ZNF92: variants seen among roughly 807,000 people sequenced by gnomAD.
ZNF92 encodes the protein epididymis luminal protein 203.
A neutral mutation model predicts 12.4 loss-of-function variants in ZNF92; 11 were observed. The ratio of observed to expected loss-of-function variants is 0.89; its 90% CI spans 0.56 to 1.47. ZNF92 has a LOEUF of 1.47. Ranked by LOEUF, ZNF92 falls within the 40% of genes most tolerant of loss-of-function variation. The pLI is 0.00. For missense variants in ZNF92, 622 were observed against 681.0 expected (o/e 0.91, Z 0.96); for synonymous variants, 206 against 228.6 (o/e 0.90, Z 0.89).
intron 1 of ZNF92, among the ~76,000 whole-genome samples, chr7:65,384,413 G>T (rs1793508479): frequency 1.3e-5 from 2 of 152,120 alleles, no homozygotes; most frequent in South Asian, 4.1e-4. Context: ...TTACAGAACT[G>T]ATTGAAAGAG....
chr7:65,400,019 A>T lies in ZNF92; in HGVS notation c.*144A>T. The T allele has an allele frequency of 1.3e-6, 1 of 741,790 alleles. No individual in the cohort carries two copies. The highest frequency in any genetic ancestry group is 2.0e-6 in the Non-Finnish European group (1 of 488,148). 46.0% of individuals were successfully genotyped at this position (741,790 alleles called of 1,614,324 possible). The stretch of plus-strand genomic sequence containing the variant: ...GTAAGATAATTTATATTGGAGAAAA[A>T]TCCTCCAAGTATGAAGAATGTGGCA... On this transcript the variant is annotated 3_prime_UTR_variant, in exon 4 of 4. Transcript: ENST00000328747.
chr7:65,378,913 G>C (rs926757903), intron 1 of ZNF92, among the ~76,000 whole-genome samples: 9 of 152,106 alleles, frequency 5.9e-5, no homozygotes, highest in Non-Finnish European at 1.3e-4. Context: ...TGTTCCTGGA[G>C]AACAGAAAGG....
intron 1 of ZNF92, among the ~76,000 whole-genome samples, chr7:65,379,367 A>C (rs139376221): frequency 2.0e-5 from 3 of 152,182 alleles, no homozygotes; most frequent in Admixed American, 1.3e-4. Flanking sequence ...CTGGCCTGGA[A>C]TGGAACTCTG....
intron 1 of ZNF92, among the ~76,000 whole-genome samples, chr7:65,381,964 T>C (rs548211868): frequency 1.3e-5 from 2 of 152,194 alleles, no homozygotes; most frequent in South Asian, 2.1e-4. Context: ...AAAATGCAAA[T>C]AGCCAAAAAG....
Position 65,399,895 on chromosome 7 carries a change from C to A in ZNF92, c.*20C>A. ...ACCTGAAAGATGTGACAATGATTTT[C>A]ACTACACCTCAAACTTTTCTAAACA... is the stretch of plus-strand genomic sequence containing the variant. On this transcript the variant is annotated 3_prime_UTR_variant, in exon 4 of 4. Transcript: ENST00000328747. The A allele has an allele frequency of 1.3e-6, 2 of 1,532,408 alleles. No individual in the cohort carries two copies. The highest frequency in any genetic ancestry group is 2.6e-5 in the South Asian group (2 of 75,916). The allele number at this position is 1,532,408 out of a possible 1,614,324, so 94.9% of individuals were successfully genotyped here.
In ZNF92 at chr7:65,398,382, A is replaced by T. The variant is rs1034762299; in HGVS notation, c.268A>T (p.Ser90Cys). ...HFAQDVWPEHSIKDSFQKVIL... is the reference protein window; with the variant it reads ...HFAQDVWPEHCIKDSFQKVIL... ...TGCCCAAGATGTTTGGCCAGAGCACAGCATAAAAGATTCTTTCCAAAAAGT... is the reference window on the plus strand; with the variant it reads ...TGCCCAAGATGTTTGGCCAGAGCACTGCATAAAAGATTCTTTCCAAAAAGT... The change falls in exon 4 of 4, where the codon AGC becomes TGC. Residue 90 changes from serine to cysteine, a missense_variant. By Grantham distance (112) the Ser-to-Cys change is moderately radical. Transcript: ENST00000328747. 6.3e-7 allele frequency: 1 copy of T among 1,596,344 alleles called. No individual in the cohort carries two copies.
intron 1 of ZNF92, among the ~76,000 whole-genome samples, chr7:65,381,161 C>G (rs1793405995): frequency 6.6e-6 from 1 of 151,958 alleles, no homozygotes; most frequent in South Asian, 2.1e-4. Context: ...CAGGCACGCC[C>G]CACCATGCCT....
At chr7:65,387,869 A>G in intron 1 of ZNF92, 33 bp from the exon 2 acceptor site, 1 of 1,555,368 alleles carries the variant, frequency 6.4e-7, no homozygotes, top group Non-Finnish European at 8.7e-7. Context: ...TAGTAAACAT[A>G]TGTGTGTTTG....
Position 65,373,935 on chromosome 7 carries a change from C to G in ZNF92, c.-63C>G. ...CTGATAAAGGCTCGCCGCTGTGACCCTGTTACCTGCAAGAACTTGGAGGTT... is the reference window on the plus strand; with the variant it reads ...CTGATAAAGGCTCGCCGCTGTGACCGTGTTACCTGCAAGAACTTGGAGGTT... On this transcript the variant is annotated 5_prime_UTR_variant, in exon 1 of 4. Transcript: ENST00000328747. 6.2e-7 allele frequency: 1 copy of G among 1,612,128 alleles called. No individual in the cohort carries two copies. The highest frequency in any genetic ancestry group is 1.1e-5 in the South Asian group (1 of 91,024).
chr7:65,391,202 A>G (rs564378054), intron 3 of ZNF92, among the ~76,000 whole-genome samples: 2 of 152,084 alleles, frequency 1.3e-5, no homozygotes, highest in Non-Finnish European at 2.9e-5. Context: ...TCCAACCTCA[A>G]TGTATGATAA....
intron 3 of ZNF92, among the ~76,000 whole-genome samples, chr7:65,392,538 A>T (rs1201148241): frequency 5.7e-5 from 8 of 141,518 alleles, no homozygotes; most frequent in African/African-American, 1.6e-4. Flanking sequence ...TTGAGCCCAC[A>T]TTTTTTTTTT....
At position 65,399,630 on chromosome 7, in the gene ZNF92, G is replaced by T; in HGVS notation, c.1516G>T (p.Gly506Trp). 1 of 1,613,694 alleles carries T rather than the reference G, an allele frequency of 6.2e-7. No individual in the cohort carries two copies. The highest frequency in any genetic ancestry group is 1.1e-5 in the South Asian group (1 of 91,042). The change falls in exon 4 of 4, where the codon GGG becomes TGG. Residue 506 changes from glycine (G) to tryptophan (W), a missense_variant. Coordinates refer to ENST00000328747, the MANE Select transcript of ZNF92 (RefSeq NM_152626.4). ...TAAACATAAGATAATTCACACTGAA[G>T]GGAAATCCTACAAATGTGAAAAATG... ...FTKHKIIHTE[G>W]KSYKCEKCGN...
chr7:65,390,390 G>C (rs967720528), intron 3 of ZNF92, among the ~76,000 whole-genome samples: 1 of 151,830 alleles, frequency 6.6e-6, no homozygotes, highest in Non-Finnish European at 1.5e-5. Context: ...GGAGCAAACA[G>C]CTCTTCAGGT....
Position 65,387,993 on chromosome 7 carries a change from T to G in ZNF92, c.95T>G (p.Val32Gly). Residue 32 changes from valine to glycine, a missense_variant, in exon 2 of 4, where the codon GTG becomes GGG. Coordinates refer to ENST00000328747, the MANE Select transcript of ZNF92 (RefSeq NM_152626.4). The stretch of plus-strand genomic sequence containing the variant: ...GCGCAGCGGAATTTATATAGAGATG[T>G]GATGTTAGAGAACTACAGAAACCTG... ...DTAQRNLYRD[V>G]MLENYRNLVF... 1.2e-6 allele frequency: 2 copies of G among 1,609,014 alleles called. No individual in the cohort carries two copies. The highest frequency in any genetic ancestry group is 1.7e-6 in the Non-Finnish European group (2 of 1,177,624).
intron 3 of ZNF92, among the ~76,000 whole-genome samples, chr7:65,393,156 G>A (rs190175677): frequency 1.0e-3 from 156 of 152,162 alleles, no homozygotes; most frequent in Non-Finnish European, 1.6e-3. Context: ...TACCCGTTAA[G>A]CAATAACTGC....
chr7:65,388,985 G>T, intron 3 of ZNF92, 84 bp downstream of exon 3: 1 of 1,234,082 alleles, frequency 8.1e-7, no homozygotes. Flanking sequence ...CTTAGTCGGA[G>T]TTTTGACCTT....
intron 3 of ZNF92, 61 bp downstream of exon 3, chr7:65,388,962 C>T (rs1351017124): frequency 5.0e-6 from 7 of 1,395,868 alleles, no homozygotes; most frequent in Admixed American, 2.0e-5. Flanking sequence ...AAGGAGAAGG[C>T]CAGTCATTTT....
chr7:65,398,360 C>G lies in ZNF92; in HGVS notation c.246C>G (p.Ala82=). The change falls in exon 4 of 4, where the codon GCC becomes GCG. Residue 82 remains alanine (A), a synonymous_variant. Transcript: ENST00000328747. ...DKTPVMCSHF[A]QDVWPEHSIK... is the part of the protein sequence containing the mutation. ...TTTCAGTTATGTGTTCTCATTTTGC[C>G]CAAGATGTTTGGCCAGAGCACAGCA... 1 of 1,551,610 alleles carries G rather than the reference C, an allele frequency of 6.4e-7. No homozygotes were observed. Among genetic ancestry groups the G allele is most frequent in the Non-Finnish European group, 8.7e-7 (1 of 1,151,964 alleles).
chr7:65,382,468 A>C (rs1250269028), intron 1 of ZNF92, among the ~76,000 whole-genome samples: 1 of 152,152 alleles, frequency 6.6e-6, no homozygotes, highest in East Asian at 1.9e-4. Context: ...TTGTGCTGCA[A>C]AATGCATGCT....
Sources: allele counts gnomAD v4.1 joint callset (sites outside exome capture counted in the v4.1 genomes callset), GRCh38; gene constraint gnomAD v4.1.1; transcripts MANE v1.5; gene names NCBI Gene and HGNC (gene_info 2026-07-23, HGNC 2026-07-21).